The following GLRA1 variants were observed in gnomAD, a reference collection of about 807,000 sequenced individuals.
The protein encoded by GLRA1 is glycine receptor alpha 1, also known as glycine receptor subunit alpha-1.
In GLRA1, 37 loss-of-function variants were observed where a neutral mutation model predicts 48.3. The observed-to-expected ratio is 0.77, with a 90% confidence interval of 0.59 to 1.01. GLRA1 has a LOEUF of 1.01. GLRA1 is among the 50% of genes least tolerant of loss of function. GLRA1 has a pLI of 0.00. For missense variants in GLRA1, 427 were observed against 571.0 expected, an observed-to-expected ratio of 0.75 and a Z score of 2.57; for synonymous variants, 196 against 210.7, an observed-to-expected ratio of 0.93 and a Z score of 0.60.
chr5:151,919,062 T>G (rs1040795174), intron 1 of GLRA1, among the ~76,000 whole-genome samples: 11 of 152,196 alleles, frequency 7.2e-5, no homozygotes, highest in African/African-American at 2.7e-4. Context: ...TCTAACAAAT[T>G]GCATATTTAC....
chr5:151,864,227 C>G (rs1011887997), intron 3 of GLRA1, among the ~76,000 whole-genome samples: 2 of 152,148 alleles, frequency 1.3e-5, no homozygotes, highest in Admixed American at 6.5e-5. Flanking sequence ...AAAAAGCCTT[C>G]AGTCCCCAAG....
At chr5:151,842,167 T>C (rs1763726125) in intron 7 of GLRA1, among the ~76,000 whole-genome samples, 2 of 152,172 alleles carry the variant, frequency 1.3e-5, no homozygotes, top group African/African-American at 4.8e-5. Context: ...ATGGCTTCTT[T>C]CATTAATTCT....
intron 3 of GLRA1, among the ~76,000 whole-genome samples, chr5:151,862,297 C>T (rs992197959): frequency 3.3e-5 from 5 of 152,216 alleles, no homozygotes; most frequent in Non-Finnish European, 7.3e-5. Context: ...GGATTAAAGA[C>T]TTAAATGTTA....
intron 1 of GLRA1, among the ~76,000 whole-genome samples, chr5:151,900,551 A>G (rs1754340859): frequency 6.6e-6 from 1 of 152,194 alleles, no homozygotes; most frequent in South Asian, 2.1e-4. Flanking sequence ...AGAGGTAGGG[A>G]TGCCTGTCTC....
Position 151,898,572 on chromosome 5 carries a change from C to T in GLRA1, c.57-6134G>A, listed in dbSNP as rs28557479. ...GGATCCCTCCAGTCAATTCCCTCTC[C>T]AGTTTACCATGAGCAGAGAAGTCCA... On this transcript the variant is annotated intron_variant, in intron 1 of 8. Coordinates refer to ENST00000274576, the MANE Select transcript of GLRA1 (RefSeq NM_000171.4). Among the ~76,000 whole-genome samples, 815 of 152,160 alleles carry T rather than the reference C, an allele frequency of 5.4e-3. 6 individuals are homozygous for T. The highest frequency in any genetic ancestry group is 0.019 in the African/African-American group (770 of 41,498).
chr5:151,823,564 G>A (rs1029009232), intron 8 of GLRA1, among the ~76,000 whole-genome samples: 3 of 152,142 alleles, frequency 2.0e-5, no homozygotes, highest in Admixed American at 6.5e-5. Context: ...CCTCACTTCC[G>A]TTCTACAAGC....
intron 3 of GLRA1, among the ~76,000 whole-genome samples, chr5:151,882,070 G>T (rs1361169728): frequency 2.0e-5 from 3 of 152,042 alleles, no homozygotes; most frequent in Non-Finnish European, 4.4e-5. Context: ...TGTGTCCATG[G>T]GCAAGTGCAA....
At position 151,837,036 on chromosome 5, in the gene GLRA1, C is replaced by T. The variant is rs113232070; in HGVS notation, c.913-7969G>A. The stretch of plus-strand genomic sequence containing the variant: ...ATCATCAGAGTGAACAGGCAACCTA[C>T]GGAATGGGAGAAAATTTTTGCAATC... On this transcript the variant is annotated intron_variant, in intron 7 of 8. Coordinates refer to ENST00000274576, the MANE Select transcript of GLRA1 (RefSeq NM_000171.4). Among the ~76,000 whole-genome samples the T allele has an allele frequency of 4.5e-4, 69 of 152,236 alleles. 1 individual carries two copies. The highest frequency in any genetic ancestry group is 1.2e-3 in the East Asian group (6 of 5,188).
intron 1 of GLRA1, among the ~76,000 whole-genome samples, chr5:151,913,521 GT>G (rs1393050718): frequency 6.6e-6 from 1 of 152,158 alleles, no homozygotes; most frequent in Non-Finnish European, 1.5e-5. Flanking sequence ...CAAGCTGAGA[GT>G]TTCGTATTAT....
intron 7 of GLRA1, among the ~76,000 whole-genome samples, chr5:151,831,152 C>T (rs1024725532): frequency 1.3e-5 from 2 of 152,230 alleles, no homozygotes; most frequent in East Asian, 1.9e-4. Context: ...CTTTGCAACC[C>T]GCAGAAAAGG....
rs553653850 is a variant in GLRA1, at chr5:151,823,945, T to C, written c.1060-982A>G. Among the ~76,000 whole-genome samples the C allele has an allele frequency of 2.0e-5, 3 of 152,032 alleles. No individual in the cohort carries two copies. The South Asian group carries it at 6.3e-4, about 32-fold the overall frequency. On this transcript the variant is annotated intron_variant, in intron 8 of 8. Transcript: ENST00000274576. ...TTGCATGTGAGCTCTGAGGAGGAATTGAGAGTCTAATGTTTTGGTCTCAGC... is the reference window on the plus strand; with the variant it reads ...TTGCATGTGAGCTCTGAGGAGGAATCGAGAGTCTAATGTTTTGGTCTCAGC...
At chr5:151,920,211 T>G (rs540270498) in intron 1 of GLRA1, among the ~76,000 whole-genome samples, 5 of 152,212 alleles carry the variant, frequency 3.3e-5, no homozygotes, top group African/African-American at 4.8e-5. Flanking sequence ...CTGCCTTTGA[T>G]GAAGATCTTA....
chr5:151,864,864 T>C (rs1753291539), intron 3 of GLRA1, among the ~76,000 whole-genome samples: 1 of 152,078 alleles, frequency 6.6e-6, no homozygotes, highest in African/African-American at 2.4e-5. Context: ...CTAGTACCTA[T>C]AAGAAGGAAG....
intron 1 of GLRA1, among the ~76,000 whole-genome samples, chr5:151,903,319 A>T (rs1754406799): frequency 1.3e-5 from 2 of 152,208 alleles, no homozygotes. Flanking sequence ...GCCTTTAATA[A>T]ATGGAGTGAC....
intron 1 of GLRA1, among the ~76,000 whole-genome samples, chr5:151,896,392 C>G (rs1452346975): frequency 6.6e-6 from 1 of 152,180 alleles, no homozygotes; most frequent in Non-Finnish European, 1.5e-5. Flanking sequence ...AAGGGAAAGT[C>G]TTTGTGAATT....
At chr5:151,885,860 A>G (rs1052113600) in intron 3 of GLRA1, among the ~76,000 whole-genome samples, 6 of 152,196 alleles carry the variant, frequency 3.9e-5, no homozygotes. Context: ...AGTGTGGGAT[A>G]AAGTAGACTG....
intron 7 of GLRA1, among the ~76,000 whole-genome samples, chr5:151,847,062 T>C (rs1752691536): frequency 6.6e-6 from 1 of 152,178 alleles, no homozygotes; most frequent in Non-Finnish European, 1.5e-5. Flanking sequence ...TGATGACTGG[T>C]GAATCTGGGT....
chr5:151,917,445 AC>A (rs1754765784), intron 1 of GLRA1, among the ~76,000 whole-genome samples: 1 of 152,196 alleles, frequency 6.6e-6, no homozygotes, highest in Non-Finnish European at 1.5e-5. Flanking sequence ...AATTTTTAAA[AC>A]CACTTTATTG....
At chr5:151,918,565 CCA>C (rs1294546120) in intron 1 of GLRA1, among the ~76,000 whole-genome samples, 23 of 152,166 alleles carry the variant, frequency 1.5e-4, no homozygotes, top group African/African-American at 5.5e-4. Flanking sequence ...GAAAAAGATC[CCA>C]GTTAGTGGGT....
Sources: allele counts gnomAD v4.1 joint callset (sites outside exome capture counted in the v4.1 genomes callset), GRCh38; gene constraint gnomAD v4.1.1; transcripts MANE v1.5; gene names NCBI Gene and HGNC (gene_info 2026-07-23, HGNC 2026-07-21).